The following HPCAL4 variants were observed in gnomAD, a reference collection of about 807,000 sequenced individuals.
HPCAL4 encodes the protein hippocalcin like 4.
A neutral mutation model predicts 18.2 loss-of-function variants in HPCAL4; 16 were observed. The observed-to-expected ratio is 0.88, with a 90% CI of 0.59 to 1.33. HPCAL4 has a LOEUF of 1.33. HPCAL4 is among the 40% of genes most tolerant of loss of function. The pLI, the probability that HPCAL4 is intolerant of heterozygous loss-of-function variation, is 0.00. For synonymous variants in HPCAL4, 80 were observed against 97.5 expected (o/e 0.82, Z 1.06); for missense variants, 214 against 256.6 (o/e 0.83, Z 1.14).
chr1:39,684,141 G>T lies in HPCAL4; in HGVS notation c.174C>A (p.Tyr58Ter). 1.2e-6 allele frequency: 2 copies of T among 1,611,858 alleles called. No homozygotes were observed. Among genetic ancestry groups the T allele is most frequent in the East Asian group, 2.2e-5 (1 of 44,830 alleles). Reference sequence around the variant, plus strand: ...GCTGCGCGAACTTGGAGGCGTCGCCGTAGGGGAAGAACTGAGGGGGGTGCG... The same window carrying T: ...GCTGCGCGAACTTGGAGGCGTCGCCTTAGGGGAAGAACTGAGGGGGGTGCG... The part of the protein sequence containing the change: ...FQQLYIKFFP[Y>*]GDASKFAQHA... The change falls in exon 3 of 4, where the codon TAC becomes TAA. Residue 58 changes from tyrosine (Y) to a stop codon, truncating the protein, a stop_gained. Coordinates refer to ENST00000372844, the MANE Select transcript of HPCAL4 (RefSeq NM_016257.4). LOFTEE classifies it high-confidence loss of function.
rs527698674 is a variant in HPCAL4 at position 39,686,508 on chromosome 1, G to C, written c.-8-1897C>G. 2.6e-5 allele frequency among the ~76,000 whole-genome samples: 4 copies of C among 152,204 alleles called. No homozygotes were observed. The South Asian group carries it at 6.2e-4, about 24-fold the overall frequency. On this transcript the variant is annotated intron_variant, in intron 1 of 3. Coordinates refer to ENST00000372844, the MANE Select transcript of HPCAL4 (RefSeq NM_016257.4). ...TGGAGAGACGTGGATGGGCTGAGACGTTAAGAAGGGCACTGGCAGGACTTT... is the reference window on the plus strand; with the variant it reads ...TGGAGAGACGTGGATGGGCTGAGACCTTAAGAAGGGCACTGGCAGGACTTT...
chr1:39,681,087 C>T lies in HPCAL4; in HGVS notation c.*1449G>A, dbSNP rs1410101492. 1 of 152,566 alleles carries T rather than the reference C, an allele frequency of 6.6e-6. No individual in the cohort carries two copies. The highest frequency in any genetic ancestry group is 1.5e-5 in the Non-Finnish European group (1 of 68,034). The allele number at this position is 152,566 out of a possible 1,614,324, so 9.5% of individuals were successfully genotyped here. On this transcript the variant is annotated 3_prime_UTR_variant, in exon 4 of 4. Coordinates refer to ENST00000372844, the MANE Select transcript of HPCAL4 (RefSeq NM_016257.4). Reference sequence around the variant, plus strand: ...TGATGAAGAAGCAAGATTAATTTTTCCGGCAGTCAAAGCATGCAGCTGTAT... The same window carrying T: ...TGATGAAGAAGCAAGATTAATTTTTTCGGCAGTCAAAGCATGCAGCTGTAT...
chr1:39,682,183 C>G lies in HPCAL4; in HGVS notation c.*353G>C, dbSNP rs1336451441. Reference sequence around the variant, plus strand: ...TGTGACAGGCCTGTGGGACCACATCCTATAAAGCATAATCCCAGGATCAAG... The same window carrying G: ...TGTGACAGGCCTGTGGGACCACATCGTATAAAGCATAATCCCAGGATCAAG... On this transcript the variant is annotated 3_prime_UTR_variant, in exon 4 of 4. Transcript: ENST00000372844. 3.5e-6 allele frequency: 1 copy of G among 281,960 alleles called. No homozygotes were observed. Among genetic ancestry groups the G allele is most frequent in the African/African-American group, 2.2e-5 (1 of 45,952 alleles). The allele number at this position is 281,960 out of a possible 1,614,324, so 17.5% of individuals were successfully genotyped here.
At chr1:39,689,857 ATT>A (rs2307905) in intron 1 of HPCAL4, among the ~76,000 whole-genome samples, 48,092 of 151,702 alleles carry the variant, frequency 0.32, 7,919 homozygotes, top group African/African-American at 0.35. Context: ...TGGTCAGGAG[ATT>A]TTTTCTCTCT....
intron 3 of HPCAL4, 95 bp from the exon 4 acceptor site, chr1:39,682,828 G>T (rs774672383): frequency 2.2e-6 from 2 of 891,452 alleles, no homozygotes; most frequent in Non-Finnish European, 3.7e-6. Flanking sequence ...GAACACTGGG[G>T]GTTGGTGAGG....
intron 3 of HPCAL4, among the ~76,000 whole-genome samples, 169 bp downstream of exon 3, chr1:39,683,768 C>T (rs1421186669): frequency 6.6e-6 from 1 of 152,190 alleles, no homozygotes; most frequent in Non-Finnish European, 1.5e-5. Flanking sequence ...TCCGCCCCGT[C>T]GAGTGTCGGG....
intron 1 of HPCAL4, 23 bp from the exon 2 acceptor site, chr1:39,684,634 C>A (rs1209464222): frequency 1.9e-6 from 3 of 1,544,346 alleles, no homozygotes; most frequent in Admixed American, 3.8e-5. Flanking sequence ...GGGATTCCTC[C>A]GACTGGGTCC....
intron 1 of HPCAL4, among the ~76,000 whole-genome samples, chr1:39,686,544 G>A (rs548076743): frequency 6.6e-6 from 1 of 152,268 alleles, no homozygotes; most frequent in East Asian, 1.9e-4. Flanking sequence ...GCAGTTGATT[G>A]GATGTGGGAG....
Position 39,682,932 on chromosome 1 carries a change from G to A in HPCAL4, c.379-199C>T, listed in dbSNP as rs1047743948. Among the ~76,000 whole-genome samples, 3 of 152,208 alleles carry A rather than the reference G, an allele frequency of 2.0e-5. No individual in the cohort carries two copies. In the South Asian group the frequency reaches 6.2e-4, roughly 32 times the overall value. On this transcript the variant is annotated intron_variant, in intron 3 of 3. Transcript: ENST00000372844. Reference sequence around the variant, plus strand: ...GAGTTTCGATCTTGTTGCCCAGGATGGAGTGCAATGGCGCGATCTCGGCTT... The same window carrying A: ...GAGTTTCGATCTTGTTGCCCAGGATAGAGTGCAATGGCGCGATCTCGGCTT...
intron 1 of HPCAL4, among the ~76,000 whole-genome samples, chr1:39,689,321 C>T (rs907638345): frequency 7.2e-5 from 11 of 152,004 alleles, no homozygotes; most frequent in Non-Finnish European, 1.0e-4. Flanking sequence ...TCTGTGGAGA[C>T]GCAGTGGCAA....
In HPCAL4 at chr1:39,679,021, A is replaced by G. The variant is rs1043562116; in HGVS notation, c.*3515T>C. On this transcript the variant is annotated 3_prime_UTR_variant, in exon 4 of 4. Coordinates refer to ENST00000372844, the MANE Select transcript of HPCAL4 (RefSeq NM_016257.4). ...AAGGTTTGAATTATTTCTTTTTTCAAGAATGATGAATAAAACATGTAAGAC... is the reference window on the plus strand; with the variant it reads ...AAGGTTTGAATTATTTCTTTTTTCAGGAATGATGAATAAAACATGTAAGAC... 3.3e-5 allele frequency: 5 copies of G among 152,252 alleles called. No individual in the cohort carries two copies. Among genetic ancestry groups the G allele is most frequent in the Admixed American group, 6.5e-5 (1 of 15,290 alleles). 9.4% of individuals were successfully genotyped at this position (152,252 alleles called of 1,614,324 possible).
rs754237456 is a variant in HPCAL4 at position 39,684,435 on chromosome 1, C to G, written c.162+7G>C. 1 of 1,589,098 alleles carries G rather than the reference C, an allele frequency of 6.3e-7. No homozygotes were observed. The highest frequency in any genetic ancestry group is 1.8e-5 in the Admixed American group (1 of 56,130). On this transcript the variant is annotated splice_region_variant and intron_variant, in intron 2 of 3. Coordinates refer to ENST00000372844, the MANE Select transcript of HPCAL4 (RefSeq NM_016257.4). ...TGGCTCCCTCACACCAGGTGCCGGC[C>G]GCCCACCTTGATGTAGAGCTGCTGA...
intron 1 of HPCAL4, among the ~76,000 whole-genome samples, chr1:39,688,041 T>A (rs902735431): frequency 3.3e-5 from 5 of 152,180 alleles, no homozygotes; most frequent in Admixed American, 6.5e-5. Context: ...AGCAGGTCAG[T>A]GGGAGGGCCC....
Position 39,682,491 on chromosome 1 carries a change from G to C in HPCAL4, c.*45C>G, listed in dbSNP as rs751972952. The C allele has an allele frequency of 6.3e-7, 1 of 1,593,440 alleles. No homozygotes were observed. Among genetic ancestry groups the C allele is most frequent in the East Asian group, 2.2e-5 (1 of 44,754 alleles). On this transcript the variant is annotated 3_prime_UTR_variant, in exon 4 of 4. Transcript: ENST00000372844. ...GCCAGAGAGGTCATCAGGTTGGGAG[G>C]TGGCCATGCCCCTTCTGGCCAGGGA...
At chr1:39,684,669 A>G in intron 1 of HPCAL4, 58 bp from the exon 2 acceptor site, 1 of 1,415,956 alleles carries the variant, frequency 7.1e-7, no homozygotes, top group Non-Finnish European at 9.3e-7. Context: ...CCTCAGCCAC[A>G]GCTGCCCCCT....
At chr1:39,684,639 G>A (rs2676702) in intron 1 of HPCAL4, 28 bp from the exon 2 acceptor site, 53 of 1,537,066 alleles carry the variant, frequency 3.4e-5, no homozygotes, top group Non-Finnish European at 4.5e-5. Flanking sequence ...TCCTCCGACT[G>A]GGTCCAGGGA....
intron 3 of HPCAL4, among the ~76,000 whole-genome samples, chr1:39,683,138 C>A (rs976044552): frequency 6.6e-6 from 1 of 152,198 alleles, no homozygotes; most frequent in Non-Finnish European, 1.5e-5. Flanking sequence ...CCGGCCTCAC[C>A]CTCCCAAAGT....
rs1217931024 is a variant in HPCAL4 at position 39,680,400 on chromosome 1, C to T, written c.*2136G>A. On this transcript the variant is annotated 3_prime_UTR_variant, in exon 4 of 4. Transcript: ENST00000372844. ...GAATGAGATGGGGCACATGGCAAGCCTTTGAAAGCCATGAAATTCTGTGTG... is the reference window on the plus strand; with the variant it reads ...GAATGAGATGGGGCACATGGCAAGCTTTTGAAAGCCATGAAATTCTGTGTG... The T allele has an allele frequency of 6.6e-6, 1 of 152,170 alleles. No individual in the cohort carries two copies. The highest frequency in any genetic ancestry group is 1.9e-4 in the East Asian group (1 of 5,196). The allele number at this position is 152,170 out of a possible 1,614,324, so 9.4% of individuals were successfully genotyped here. A position where few individuals can be genotyped will look rare whatever the true frequency, so the allele number is the denominator to read the frequency against.
In HPCAL4 at chr1:39,682,487, G is replaced by C. The variant is rs766701503; in HGVS notation, c.*49C>G. The C allele has an allele frequency of 5.7e-6, 9 of 1,584,800 alleles. No homozygotes were observed. The highest frequency in any genetic ancestry group is 1.8e-4 in the Middle Eastern group (1 of 5,698). Reference sequence around the variant, plus strand: ...GCCAGCCAGAGAGGTCATCAGGTTGGGAGGTGGCCATGCCCCTTCTGGCCA... The same window carrying C: ...GCCAGCCAGAGAGGTCATCAGGTTGCGAGGTGGCCATGCCCCTTCTGGCCA... On this transcript the variant is annotated 3_prime_UTR_variant, in exon 4 of 4. Coordinates refer to ENST00000372844, the MANE Select transcript of HPCAL4 (RefSeq NM_016257.4).
Sources: allele counts gnomAD v4.1 joint callset (sites outside exome capture counted in the v4.1 genomes callset), GRCh38; gene constraint gnomAD v4.1.1; transcripts MANE v1.5; gene names NCBI Gene and HGNC (gene_info 2026-07-23, HGNC 2026-07-21).